The following CTNNA3 variants were observed in gnomAD, a reference collection of about 807,000 sequenced individuals.
CTNNA3 encodes catenin alpha 3, also known as catenin alpha-3.
In CTNNA3, 76 loss-of-function variants were observed where a neutral mutation model predicts 95.7. The ratio of observed to expected loss-of-function variants is 0.79; its 90% CI spans 0.66 to 0.96. The LOEUF (loss-of-function observed/expected upper bound fraction) is 0.96. Among genes scored for constraint, CTNNA3 ranks in the 40% least tolerant of loss-of-function variants. The pLI, the probability that CTNNA3 is intolerant of heterozygous loss-of-function variation, is 0.00. For missense variants in CTNNA3, 1,191 were observed against 1,089.8 expected, an observed-to-expected ratio of 1.09 and a Z score of -1.31; for synonymous variants, 431 against 374.4, an observed-to-expected ratio of 1.15 and a Z score of -1.74.
intron 7 of CTNNA3, among the ~76,000 whole-genome samples, chr10:67,080,933 CAA>C (rs770198657): frequency 7.0e-6 from 1 of 142,036 alleles, no homozygotes; most frequent in Non-Finnish European, 1.5e-5. Flanking sequence ...AACAAAAAAA[CAA>C]CAAAAAAAAA....
chr10:67,498,509 A>G (rs1010113623), intron 5 of CTNNA3, among the ~76,000 whole-genome samples: 2 of 152,186 alleles, frequency 1.3e-5, no homozygotes, highest in Admixed American at 6.5e-5. Context: ...CATTGAATCT[A>G]TAAATTACTT....
At chr10:66,420,841 A>AAAC (rs1554959979) in intron 11 of CTNNA3, among the ~76,000 whole-genome samples, 52 of 147,716 alleles carry the variant, frequency 3.5e-4, no homozygotes, top group South Asian at 1.5e-3. Context: ...AAATAAATAA[A>AAAC]AAACAATATG....
chr10:67,708,072 T>C (rs1841087590), intron 1 of CTNNA3, among the ~76,000 whole-genome samples: 1 of 152,188 alleles, frequency 6.6e-6, no homozygotes, highest in African/African-American at 2.4e-5. Flanking sequence ...TTTAACTATT[T>C]CAGAACAAAC....
chr10:67,067,885 C>T (rs1340761289), intron 7 of CTNNA3, among the ~76,000 whole-genome samples: 1 of 152,132 alleles, frequency 6.6e-6, no homozygotes, highest in African/African-American at 2.4e-5. Flanking sequence ...AAAGTATGTA[C>T]AGGGTCCATT....
intron 10 of CTNNA3, among the ~76,000 whole-genome samples, chr10:66,598,329 C>T (rs1452896996): frequency 3.3e-5 from 5 of 151,906 alleles, no homozygotes; most frequent in Admixed American, 3.3e-4. Context: ...AATTTGAAAG[C>T]TTTTACTCTA....
intron 7 of CTNNA3, among the ~76,000 whole-genome samples, chr10:66,873,521 A>G (rs1844495864): frequency 6.6e-6 from 1 of 151,788 alleles, no homozygotes; most frequent in Admixed American, 6.6e-5. Context: ...TCCTCTTTTG[A>G]GAAGTGTCTG....
chr10:65,988,704 C>G lies in CTNNA3; in HGVS notation c.2253G>C (p.Gln751His). ...GTAAGTAACTCACCTGATTAGCAAT[C>G]TGCCGAGCAAGGACATCCATCCTTG... ...SGSRMDVLAR[Q>H]IANQCPDPSC... The change falls in exon 16 of 18, where the codon CAG becomes CAC. Residue 751 changes from glutamine to histidine, a missense_variant. By Grantham distance (24) the Gln-to-His change is conservative. Transcript: ENST00000433211. The G allele has an allele frequency of 6.2e-7, 1 of 1,613,404 alleles. No individual in the cohort carries two copies. Among genetic ancestry groups the G allele is most frequent in the Non-Finnish European group, 8.5e-7 (1 of 1,179,486 alleles).
At chr10:65,993,249 C>T (rs151084018) in intron 15 of CTNNA3, among the ~76,000 whole-genome samples, 148 of 152,324 alleles carry the variant, frequency 9.7e-4, no homozygotes, top group African/African-American at 3.0e-3. Flanking sequence ...AGATTGGCCT[C>T]TTAGGCCAAT....
intron 5 of CTNNA3, among the ~76,000 whole-genome samples, chr10:67,236,224 C>T (rs1007075635): frequency 1.1e-4 from 17 of 147,918 alleles, no homozygotes; most frequent in African/African-American, 2.5e-4. Context: ...ATGTTTATTG[C>T]GGCATTATTC....
chr10:66,262,401 CT>C (rs770125175), intron 13 of CTNNA3, among the ~76,000 whole-genome samples: 10 of 151,836 alleles, frequency 6.6e-5, no homozygotes, highest in Non-Finnish European at 1.2e-4. Context: ...TGTCTTTCCC[CT>C]TTATTCTTTC....
intron 14 of CTNNA3, among the ~76,000 whole-genome samples, chr10:66,102,543 A>G (rs2081680062): frequency 6.6e-6 from 1 of 152,180 alleles, no homozygotes; most frequent in Admixed American, 6.5e-5. Flanking sequence ...TTCAGATCCA[A>G]GGTTTGTTGT....
At chr10:66,291,855 C>CAT (rs1026715795) in intron 12 of CTNNA3, among the ~76,000 whole-genome samples, 1 of 150,830 alleles carries the variant, frequency 6.6e-6, no homozygotes, top group African/African-American at 2.4e-5. Flanking sequence ...TATGTGTATG[C>CAT]ATATATATGT....
At chr10:66,261,475 A>G (rs1476684435) in intron 13 of CTNNA3, among the ~76,000 whole-genome samples, 1 of 152,120 alleles carries the variant, frequency 6.6e-6, no homozygotes, top group Non-Finnish European at 1.5e-5. Flanking sequence ...TGTATTAAAC[A>G]CATTGTATTA....
intron 7 of CTNNA3, among the ~76,000 whole-genome samples, chr10:66,799,729 C>A (rs565892841): frequency 1.3e-5 from 2 of 150,834 alleles, no homozygotes; most frequent in Non-Finnish European, 3.0e-5. Flanking sequence ...TTTCCACACC[C>A]GAAGAAAGGA....
intron 7 of CTNNA3, among the ~76,000 whole-genome samples, chr10:67,166,191 G>A (rs1861763434): frequency 6.6e-6 from 1 of 152,176 alleles, no homozygotes; most frequent in African/African-American, 2.4e-5. Context: ...TACTGCTAAA[G>A]AGGGCAGGTG....
intron 11 of CTNNA3, among the ~76,000 whole-genome samples, chr10:66,495,217 T>C (rs1009374880): frequency 6.6e-6 from 1 of 152,174 alleles, no homozygotes; most frequent in Admixed American, 6.5e-5. Context: ...GGCTAGCCCA[T>C]AAACTCTCAG....
intron 1 of CTNNA3, among the ~76,000 whole-genome samples, chr10:67,713,434 G>A (rs1841123962): frequency 6.6e-6 from 1 of 152,184 alleles, no homozygotes; most frequent in Non-Finnish European, 1.5e-5. Flanking sequence ...CCATTACTGG[G>A]TATATACCCA....
chr10:66,329,061 C>A (rs1300142562), intron 12 of CTNNA3, among the ~76,000 whole-genome samples: 1 of 150,856 alleles, frequency 6.6e-6, no homozygotes, highest in African/African-American at 2.4e-5. Flanking sequence ...AGCAATTCTC[C>A]GGCCTCAGCC....
chr10:67,330,985 T>C (rs1263744168), intron 5 of CTNNA3, among the ~76,000 whole-genome samples: 4 of 152,188 alleles, frequency 2.6e-5, no homozygotes, highest in Non-Finnish European at 5.9e-5. Flanking sequence ...TTATAAATAT[T>C]ATGAAAATAC....
Sources: gnomAD v4.1 joint callset for allele counts (sites outside exome capture counted in the v4.1 genomes callset) on GRCh38, gnomAD v4.1.1 for gene constraint, MANE v1.5 for transcripts, NCBI Gene and HGNC (gene_info 2026-07-23, HGNC 2026-07-21) for gene names.